The following CLASP1 variants were observed in gnomAD, a reference collection of about 807,000 sequenced individuals.
CLASP1 encodes the protein CLIP-associating protein 1.
In CLASP1, 38 loss-of-function variants were observed where a neutral mutation model predicts 192.3. The ratio of observed to expected loss-of-function variants is 0.20; its 90% CI spans 0.15 to 0.26. CLASP1 has a LOEUF of 0.26. Among genes scored for constraint, CLASP1 ranks in the 10% least tolerant of loss-of-function variants. The pLI is 1.00. For missense variants in CLASP1, 1,433 were observed against 1,932.5 expected, an observed-to-expected ratio of 0.74 and a Z score of 4.85; for synonymous variants, 691 against 712.8, an observed-to-expected ratio of 0.97 and a Z score of 0.49.
intron 6 of CLASP1, among the ~76,000 whole-genome samples, chr2:121,523,715 T>G (rs950427462): frequency 6.6e-6 from 1 of 152,152 alleles, no homozygotes; most frequent in African/African-American, 2.4e-5. Context: ...CCTAGGACAA[T>G]GAGGCATTTC....
intron 6 of CLASP1, among the ~76,000 whole-genome samples, chr2:121,523,366 C>T (rs2094499485): frequency 6.6e-6 from 1 of 152,142 alleles, no homozygotes. Context: ...GTTAAAATCC[C>T]TAGAGACCTT....
At chr2:121,537,092 C>A (rs1459610826) in intron 2 of CLASP1, among the ~76,000 whole-genome samples, 3 of 152,010 alleles carry the variant, frequency 2.0e-5, no homozygotes, top group Non-Finnish European at 4.4e-5. Context: ...GAATTATACA[C>A]CTTTAAAAAG....
At chr2:121,342,198 T>C (rs1359860789) in intron 39 of CLASP1, among the ~76,000 whole-genome samples, 1 of 151,998 alleles carries the variant, frequency 6.6e-6, no homozygotes, top group East Asian at 1.9e-4. Flanking sequence ...CTCAGCTCAC[T>C]GCAGCCTTGA....
At chr2:121,636,232 A>G (rs1226314731) in intron 1 of CLASP1, among the ~76,000 whole-genome samples, 1 of 151,796 alleles carries the variant, frequency 6.6e-6, no homozygotes, top group Non-Finnish European at 1.5e-5. Context: ...GCTACTCGGG[A>G]GGCTGAGGCA....
At chr2:121,391,526 T>C (rs1042171331) in intron 30 of CLASP1, among the ~76,000 whole-genome samples, 2 of 152,234 alleles carry the variant, frequency 1.3e-5, no homozygotes, top group Non-Finnish European at 2.9e-5. Flanking sequence ...TAACCCTCAG[T>C]AGTATCACTA....
intron 2 of CLASP1, among the ~76,000 whole-genome samples, chr2:121,584,323 C>G (rs1420385727): frequency 6.6e-6 from 1 of 152,156 alleles, no homozygotes; most frequent in Non-Finnish European, 1.5e-5. Context: ...AAGACGTTCT[C>G]TATGATCAGT....
chr2:121,390,887 C>G (rs1351318307), intron 30 of CLASP1, among the ~76,000 whole-genome samples: 1 of 152,054 alleles, frequency 6.6e-6, no homozygotes, highest in African/African-American at 2.4e-5. Context: ...TATTCACAGG[C>G]ATAATCACCG....
intron 2 of CLASP1, among the ~76,000 whole-genome samples, chr2:121,549,820 A>G (rs1377032593): frequency 1.3e-5 from 2 of 151,796 alleles, no homozygotes; most frequent in Admixed American, 6.6e-5. Context: ...CCTGGCTAAC[A>G]TGGTGAAACC....
At chr2:121,357,784 T>C (rs548121831) in intron 37 of CLASP1, among the ~76,000 whole-genome samples, 1 of 152,306 alleles carries the variant, frequency 6.6e-6, no homozygotes, top group East Asian at 1.9e-4. Context: ...GCTCACAAAA[T>C]GGTAAGTCTC....
At chr2:121,384,984 A>G (rs7590148) in intron 32 of CLASP1, among the ~76,000 whole-genome samples, 38,268 of 152,146 alleles carry the variant, frequency 0.25, 7,697 homozygotes, top group African/African-American at 0.55. Context: ...TAACTCAAAG[A>G]AATGGCAGGT....
At chr2:121,340,910 G>T (rs772692123) in exon 40 of CLASP1, 2 of 1,611,482 alleles carry the variant, frequency 1.2e-6, no homozygotes, top group Non-Finnish European at 1.7e-6. Context: ...GCTGTTGGTG[G>T]TCTGGGCCCT....
intron 8 of CLASP1, among the ~76,000 whole-genome samples, chr2:121,484,055 A>C (rs2092805100): frequency 6.6e-6 from 1 of 152,222 alleles, no homozygotes; most frequent in African/African-American, 2.4e-5. Context: ...GCTTAGGAGG[A>C]ATCAACATCA....
intron 19 of CLASP1, among the ~76,000 whole-genome samples, chr2:121,441,145 GA>G (rs2083270144): frequency 6.6e-6 from 1 of 152,150 alleles, no homozygotes; most frequent in Non-Finnish European, 1.5e-5. Flanking sequence ...TTAGGCAAAT[GA>G]AAAACCACTA....
intron 37 of CLASP1, among the ~76,000 whole-genome samples, chr2:121,358,957 C>G (rs1424266096): frequency 6.6e-6 from 1 of 152,210 alleles, no homozygotes; most frequent in Non-Finnish European, 1.5e-5. Flanking sequence ...ACTAATGTGG[C>G]AAAGTTCAGA....
chr2:121,460,973 TATG>T (rs1307586729), intron 11 of CLASP1, 125 bp downstream of exon 11: 1 of 640,826 alleles, frequency 1.6e-6, no homozygotes, highest in Non-Finnish European at 2.7e-6. Flanking sequence ...GAAGTATAAA[TATG>T]ATAATTTGAA....
chr2:121,567,900 C>T (rs1198001817), intron 2 of CLASP1, among the ~76,000 whole-genome samples: 1 of 152,186 alleles, frequency 6.6e-6, no homozygotes, highest in East Asian at 1.9e-4. Context: ...TATAAAGTCT[C>T]TTTCTTTATG....
At chr2:121,493,126 C>G (rs2093389689) in intron 8 of CLASP1, among the ~76,000 whole-genome samples, 1 of 152,124 alleles carries the variant, frequency 6.6e-6, no homozygotes, top group South Asian at 2.1e-4. Flanking sequence ...ACATTCTTTA[C>G]AGAAATAAAA....
Position 121,365,080 on chromosome 2 carries a change from A to C in CLASP1, c.4077+14T>G, listed in dbSNP as rs757233272. 6.2e-7 allele frequency: 1 copy of C among 1,613,892 alleles called. No individual in the cohort carries two copies. The highest frequency in any genetic ancestry group is 8.5e-7 in the Non-Finnish European group (1 of 1,179,812). On this transcript the variant is annotated intron_variant, in intron 36 of 39. Coordinates refer to ENST00000263710, the Ensembl canonical transcript of CLASP1. ...CATGGAAAGGGGCAAGATAAGGCCA[A>C]ACCAGCATCTCACGTCTTTGTCTCC...
At chr2:121,513,301 T>C (rs2094192925) in intron 7 of CLASP1, among the ~76,000 whole-genome samples, 1 of 152,228 alleles carries the variant, frequency 6.6e-6, no homozygotes, top group Non-Finnish European at 1.5e-5. Context: ...GTGAAGGGTG[T>C]GGGTCCATTT....
Sources: gnomAD v4.1 joint callset for allele counts (sites outside exome capture counted in the v4.1 genomes callset) on GRCh38, gnomAD v4.1.1 for gene constraint, MANE v1.5 for transcripts, NCBI Gene and HGNC (gene_info 2026-07-23, HGNC 2026-07-21) for gene names.